XPO6: variants seen among roughly 807,000 people sequenced by gnomAD.
XPO6 encodes the protein exportin-6.
In XPO6, 3 loss-of-function variants were observed where a neutral mutation model predicts 130.0. The observed-to-expected ratio is 0.02, with a 90% CI of 0.01 to 0.06. XPO6 has a LOEUF of 0.06. Ranked by LOEUF, XPO6 falls within the 10% of genes least tolerant of loss-of-function variation. The pLI is 1.00. For missense variants in XPO6, 970 were observed against 1,393.0 expected (o/e 0.70, Z 4.83); for synonymous variants, 524 against 548.9 (o/e 0.95, Z 0.63).
intron 15 of XPO6, among the ~76,000 whole-genome samples, chr16:28,115,660 T>G (rs576695121): frequency 6.6e-6 from 1 of 152,228 alleles, no homozygotes; most frequent in Non-Finnish European, 1.5e-5. Context: ...CCAGTTGCAG[T>G]TGCCCCCTGA....
At chr16:28,209,935 A>G (rs142138264) in intron 1 of XPO6, among the ~76,000 whole-genome samples, 78 of 152,126 alleles carry the variant, frequency 5.1e-4, no homozygotes, top group African/African-American at 1.7e-3. Context: ...GCTCAGGTTC[A>G]AGACCAGCCT....
At chr16:28,150,117 C>A (rs1323685281) in intron 8 of XPO6, among the ~76,000 whole-genome samples, 2 of 152,182 alleles carry the variant, frequency 1.3e-5, no homozygotes, top group Non-Finnish European at 2.9e-5. Context: ...GGACAGTGTA[C>A]CTTTCAGGTT....
At chr16:28,198,082 T>G (rs1039725974) in intron 1 of XPO6, among the ~76,000 whole-genome samples, 3 of 151,572 alleles carry the variant, frequency 2.0e-5, no homozygotes, top group Non-Finnish European at 4.4e-5. Context: ...ATCACATTAT[T>G]ATTTACCATG....
intron 1 of XPO6, among the ~76,000 whole-genome samples, chr16:28,188,592 C>T (rs888540269): frequency 1.5e-5 from 2 of 134,834 alleles, no homozygotes; most frequent in South Asian, 4.8e-4. Context: ...TGTAAACTTT[C>T]TCTGAAAGCT....
chr16:28,100,655 C>G (rs977768377), intron 23 of XPO6, among the ~76,000 whole-genome samples: 1 of 152,184 alleles, frequency 6.6e-6, no homozygotes, highest in African/African-American at 2.4e-5. Flanking sequence ...AGGGAGAAAG[C>G]GATTTCTTTT....
chr16:28,142,764 T>A (rs1271151402), intron 9 of XPO6, among the ~76,000 whole-genome samples: 1 of 152,084 alleles, frequency 6.6e-6, no homozygotes, highest in Non-Finnish European at 1.5e-5. Context: ...ACAGACAGAG[T>A]CTTGCTATGT....
At chr16:28,209,854 C>T (rs9926374) in intron 1 of XPO6, among the ~76,000 whole-genome samples, 2,428 of 151,986 alleles carry the variant, frequency 0.016, 34 homozygotes, top group African/African-American at 0.048. Flanking sequence ...AATACATAGA[C>T]TCAGCTGTGC....
intron 7 of XPO6, chr16:28,153,588 T>C (rs12919673): frequency 0.68 from 671,204 of 985,048 alleles, 234,134 homozygotes; most frequent in South Asian, 0.71. Flanking sequence ...GGATAAGAGA[T>C]CTCTGTTATT....
At chr16:28,138,362 A>G (rs1465830215) in intron 9 of XPO6, among the ~76,000 whole-genome samples, 3 of 152,124 alleles carry the variant, frequency 2.0e-5, no homozygotes, top group African/African-American at 7.2e-5. Flanking sequence ...TCATCTATAA[A>G]TTGTCTTGCT....
intron 1 of XPO6, among the ~76,000 whole-genome samples, chr16:28,198,160 T>C (rs576811446): frequency 6.6e-6 from 1 of 151,864 alleles, no homozygotes; most frequent in Non-Finnish European, 1.5e-5. Flanking sequence ...ACTGCAAATA[T>C]TTATAAAATA....
In XPO6 at chr16:28,152,714, G is replaced by C; in HGVS notation, c.1169C>G (p.Ser390Cys). 1 of 1,613,394 alleles carries C rather than the reference G, an allele frequency of 6.2e-7. No individual in the cohort carries two copies. Among genetic ancestry groups the C allele is most frequent in the Non-Finnish European group, 8.5e-7 (1 of 1,179,768 alleles). Residue 390 changes from serine to cysteine, a missense_variant, in exon 8 of 24, where the codon TCC (serine) becomes TGC (cysteine). Around this residue, in one of 4 missense-constraint regions of XPO6, gnomAD observed 936 missense variants for 1,306.8 expected, o/e 0.72. Coordinates refer to ENST00000304658, the MANE Select transcript of XPO6 (RefSeq NM_015171.4). ...CAAAAACTCCACCACAGGGAACTGG[G>C]AGTAAGACTCGATTCTTCTTAGGTG... ...SVHLRRIESY[S>C]QFPVVEFLTL...
At chr16:28,116,184 G>A (rs558998722) in intron 15 of XPO6, among the ~76,000 whole-genome samples, 141 of 151,998 alleles carry the variant, frequency 9.3e-4, no homozygotes, top group Middle Eastern at 3.4e-3. Context: ...TGGCCAGGCC[G>A]GGCGCGGTGG....
intron 1 of XPO6, among the ~76,000 whole-genome samples, chr16:28,201,562 A>C (rs924187919): frequency 6.6e-6 from 1 of 152,218 alleles, no homozygotes; most frequent in African/African-American, 2.4e-5. Flanking sequence ...ACTCACTGTA[A>C]GAATGTAGTC....
At chr16:28,116,044 C>A (rs1405320373) in intron 15 of XPO6, among the ~76,000 whole-genome samples, 1 of 152,240 alleles carries the variant, frequency 6.6e-6, no homozygotes, top group East Asian at 1.9e-4. Context: ...ACCACTGAAA[C>A]CTTCCTCATA....
chr16:28,111,822 T>C lies in XPO6; in HGVS notation c.2336A>G (p.Asp779Gly). Residue 779 changes from aspartate (D) to glycine (G), a missense_variant, in exon 17 of 24, where the codon GAT becomes GGT. Around this residue, in one of 4 missense-constraint regions of XPO6, gnomAD observed 936 missense variants for 1,306.8 expected, o/e 0.72. Coordinates refer to ENST00000304658, the MANE Select transcript of XPO6 (RefSeq NM_015171.4). ...AVAPQRKMPLDDTKLIIHQTL... is the reference protein window; with the variant it reads ...AVAPQRKMPLGDTKLIIHQTL... ...CTAGCCTAGGGGTCACTTACTGTCA[T>C]CCAGTGGCATCTTTCTCTGTGGGGC... The C allele has an allele frequency of 6.2e-7, 1 of 1,614,010 alleles. No individual in the cohort carries two copies. The highest frequency in any genetic ancestry group is 8.5e-7 in the Non-Finnish European group (1 of 1,179,938).
Position 28,104,841 on chromosome 16 carries a change from C to G in XPO6, c.2785-134G>C, listed in dbSNP as rs115414703. The stretch of plus-strand genomic sequence containing the variant: ...CAACACTCCATCCACATGCCTGTCA[C>G]TACCTGCGCAAAAGACATCCAGCCC... On this transcript the variant is annotated intron_variant, in intron 20 of 23. Coordinates refer to ENST00000304658, the MANE Select transcript of XPO6 (RefSeq NM_015171.4). The G allele has an allele frequency of 5.3e-4, 518 of 986,398 alleles. 4 individuals are homozygous for G. The African/African-American group carries it at 7.8e-3, about 15-fold the overall frequency. The allele number at this position is 986,398 out of a possible 1,614,324, so 61.1% of individuals were successfully genotyped here.
intron 5 of XPO6, among the ~76,000 whole-genome samples, chr16:28,168,301 A>T (rs2043390207): frequency 6.6e-6 from 1 of 152,058 alleles, no homozygotes; most frequent in African/African-American, 2.4e-5. Context: ...CCTGGGCAAT[A>T]CAGGGACTCT....
intron 13 of XPO6, among the ~76,000 whole-genome samples, chr16:28,124,489 A>G (rs962505890): frequency 1.3e-5 from 2 of 152,208 alleles, no homozygotes; most frequent in African/African-American, 4.8e-5. Flanking sequence ...CAGTACAAGA[A>G]GAGGAGGAGG....
At chr16:28,180,792 G>A in intron 2 of XPO6, 149 bp downstream of exon 2, 1 of 557,108 alleles carries the variant, frequency 1.8e-6, no homozygotes, top group South Asian at 3.0e-5. Context: ...GGTTTCCCCA[G>A]CCACCAGCCA....
Sources: gnomAD v4.1 joint callset for allele counts (sites outside exome capture counted in the v4.1 genomes callset) on GRCh38, gnomAD v4.1.1 for gene constraint, gnomAD v4.1.1 regional missense constraint, MANE v1.5 for transcripts, NCBI Gene and HGNC (gene_info 2026-07-23, HGNC 2026-07-21) for gene names.